The following RGL1 variants were observed in gnomAD, a reference collection of about 807,000 sequenced individuals.
RGL1 encodes the protein ral guanine nucleotide dissociation stimulator like 1, also known as ral guanine nucleotide dissociation stimulator-like 1.
Under a neutral mutation model 95.2 loss-of-function variants are expected in RGL1, and 24 were observed. That is an observed-to-expected ratio of 0.25 (90% CI 0.18 to 0.35). The LOEUF is 0.35. Ranked by LOEUF, RGL1 falls within the 10% of genes least tolerant of loss-of-function variation. The pLI is 1.00. For synonymous variants in RGL1, 329 were observed against 344.9 expected, an observed-to-expected ratio of 0.95 and a Z score of 0.51; for missense variants, 715 against 936.3, an observed-to-expected ratio of 0.76 and a Z score of 3.08.
At chr1:183,803,377 C>T (rs111339921), upstream of RGL1, among the ~76,000 whole-genome samples, 306 of 152,300 alleles carry the variant, frequency 2.0e-3, 3 homozygotes, top group African/African-American at 6.7e-3. Flanking sequence ...ATGGTTGTCC[C>T]ATTTTGCAGA....
intron 1 of RGL1, among the ~76,000 whole-genome samples, chr1:183,649,817 A>G (rs1024303557): frequency 2.0e-5 from 3 of 151,920 alleles, no homozygotes; most frequent in Non-Finnish European, 4.4e-5. Flanking sequence ...GGAGCTACCT[A>G]TTTTGTTTGT....
intron 4 of RGL1, among the ~76,000 whole-genome samples, chr1:183,867,261 G>C (rs528080030): frequency 6.6e-6 from 1 of 152,210 alleles, no homozygotes; most frequent in Admixed American, 6.5e-5. Flanking sequence ...GACTGAGCCT[G>C]GTTCCTTGGG....
chr1:183,652,653 C>A (rs1198635699), intron 1 of RGL1, among the ~76,000 whole-genome samples: 1 of 152,242 alleles, frequency 6.6e-6, no homozygotes, highest in African/African-American at 2.4e-5. Context: ...CCTTAGCAAC[C>A]TTGATTGGCT....
intron 1 of RGL1, among the ~76,000 whole-genome samples, chr1:183,668,001 ATATGTG>A (rs1558143980): frequency 3.5e-5 from 2 of 56,992 alleles, no homozygotes; most frequent in African/African-American, 8.6e-5. Flanking sequence ...ATGCTTATAT[ATATGTG>A]TGTGTGTGTG....
chr1:183,840,403 G>T (rs888419907), intron 2 of RGL1, among the ~76,000 whole-genome samples: 1 of 152,168 alleles, frequency 6.6e-6, no homozygotes, highest in African/African-American at 2.4e-5. Flanking sequence ...AAAGGTCAGA[G>T]AATTTGCTTC....
intron 1 of RGL1, among the ~76,000 whole-genome samples, chr1:183,723,945 G>GTC (rs1572333751): frequency 1.3e-5 from 2 of 152,190 alleles, no homozygotes; most frequent in East Asian, 3.9e-4. Flanking sequence ...AGAGGACTTT[G>GTC]TCTTGCAACT....
intron 2 of RGL1, among the ~76,000 whole-genome samples, chr1:183,782,106 C>T (rs1659932038): frequency 6.6e-6 from 1 of 152,128 alleles, no homozygotes; most frequent in Admixed American, 6.5e-5. Flanking sequence ...TTAATGTTCA[C>T]CCTGTGCTTG....
chr1:183,669,424 A>G (rs1652285581), intron 1 of RGL1, among the ~76,000 whole-genome samples: 1 of 151,880 alleles, frequency 6.6e-6, no homozygotes. Flanking sequence ...TTTTCCATTA[A>G]AGTCCTTAGC....
intron 2 of RGL1, among the ~76,000 whole-genome samples, chr1:183,789,443 T>C (rs1041337621): frequency 1.6e-4 from 24 of 152,124 alleles, no homozygotes; most frequent in African/African-American, 5.8e-4. Context: ...AGTGAAACTC[T>C]GTCTCAAAAA....
chr1:183,834,672 T>G (rs1558236825), intron 2 of RGL1, among the ~76,000 whole-genome samples: 1 of 152,054 alleles, frequency 6.6e-6, no homozygotes, highest in South Asian at 2.1e-4. Flanking sequence ...CAATGGAGGC[T>G]CTTCTCTTTT....
At chr1:183,698,253 T>G (rs1338287806) in intron 1 of RGL1, among the ~76,000 whole-genome samples, 1 of 152,260 alleles carries the variant, frequency 6.6e-6, no homozygotes, top group African/African-American at 2.4e-5. Context: ...CCTTGCGTTC[T>G]GTAACACCCC....
chr1:183,702,591 G>A (rs753276160), intron 1 of RGL1, among the ~76,000 whole-genome samples: 1 of 152,162 alleles, frequency 6.6e-6, no homozygotes, highest in African/African-American at 2.4e-5. Flanking sequence ...CTGAGGCATT[G>A]TACTGGCTGT....
chr1:183,900,285 A>G, intron 11 of RGL1, 49 bp downstream of exon 11: 1 of 1,441,454 alleles, frequency 6.9e-7, no homozygotes, highest in Non-Finnish European at 9.8e-7. Flanking sequence ...TTCCCACTGG[A>G]TACCCTAAAG....
chr1:183,837,470 C>G (rs1572481808), intron 2 of RGL1, among the ~76,000 whole-genome samples: 1 of 152,336 alleles, frequency 6.6e-6, no homozygotes, highest in East Asian at 1.9e-4. Context: ...TGGAAGTTCA[C>G]TCTGGATACT....
At chr1:183,866,333 C>T (rs1424929514) in intron 4 of RGL1, among the ~76,000 whole-genome samples, 1 of 151,896 alleles carries the variant, frequency 6.6e-6, no homozygotes, top group Non-Finnish European at 1.5e-5. Context: ...ATAAACAGTC[C>T]CAGCTCATAA....
intron 10 of RGL1, among the ~76,000 whole-genome samples, chr1:183,898,160 G>A (rs1014073119): frequency 2.6e-5 from 4 of 152,212 alleles, no homozygotes; most frequent in African/African-American, 9.6e-5. Flanking sequence ...GTGAGGGGGA[G>A]TCTACAGCAG....
At chr1:183,710,541 A>G (rs1019377811) in intron 1 of RGL1, among the ~76,000 whole-genome samples, 4 of 152,164 alleles carry the variant, frequency 2.6e-5, no homozygotes, top group Admixed American at 1.3e-4. Flanking sequence ...TAAAGATACT[A>G]CCTGTGGCTG....
intron 1 of RGL1, among the ~76,000 whole-genome samples, chr1:183,682,759 C>T (rs564337876): frequency 3.3e-5 from 5 of 152,174 alleles, no homozygotes; most frequent in African/African-American, 7.2e-5. Context: ...CTAAGATTGA[C>T]GGTGGGGTGT....
At chr1:183,841,750 A>C (rs1164565183) in intron 2 of RGL1, among the ~76,000 whole-genome samples, 1 of 152,162 alleles carries the variant, frequency 6.6e-6, no homozygotes, top group Non-Finnish European at 1.5e-5. Flanking sequence ...ATGGCAAAGA[A>C]ATTTATGCAG....
Sources: allele counts gnomAD v4.1 joint callset (sites outside exome capture counted in the v4.1 genomes callset), GRCh38; gene constraint gnomAD v4.1.1; transcripts MANE v1.5; gene names NCBI Gene and HGNC (gene_info 2026-07-23, HGNC 2026-07-21).